Variants in SHANK2 observed in about 807,000 individuals in gnomAD.
SHANK2 encodes SH3 and multiple ankyrin repeat domains protein 2.
In SHANK2, 43 loss-of-function variants were observed where a neutral mutation model predicts 133.7. The observed-to-expected ratio is 0.32, with a 90% CI of 0.25 to 0.41. The LOEUF is 0.41. Ranked by LOEUF, SHANK2 falls within the 10% of genes least tolerant of loss-of-function variation. The pLI is 1.00. For synonymous variants in SHANK2, 1,017 were observed against 952.8 expected, an observed-to-expected ratio of 1.07 and a Z score of -1.24; for missense variants, 1,994 against 2,235.8, an observed-to-expected ratio of 0.89 and a Z score of 2.18.
intron 17 of SHANK2, among the ~76,000 whole-genome samples, chr11:70,576,986 C>T (rs545069360): frequency 2.0e-4 from 31 of 152,280 alleles, no homozygotes; most frequent in African/African-American, 7.0e-4. Context: ...AAGGGGTGGC[C>T]AGGACACTGT....
At chr11:70,643,557 C>G (rs1555007127) in intron 17 of SHANK2, among the ~76,000 whole-genome samples, 1 of 139,884 alleles carries the variant, frequency 7.1e-6, no homozygotes, top group Non-Finnish European at 1.5e-5. Flanking sequence ...CAGAGTGAGA[C>G]TCCGTCTCGG....
At chr11:70,890,965 C>CAA (rs113710731) in intron 11 of SHANK2, among the ~76,000 whole-genome samples, 11 of 121,816 alleles carry the variant, frequency 9.0e-5, no homozygotes, top group Admixed American at 4.1e-4. Flanking sequence ...GACTCCGCCT[C>CAA]AAAAAAAAAA....
Position 70,659,808 on chromosome 11 carries a change from AC to A in SHANK2, c.2061+19del, listed in dbSNP as rs2061458208. On this transcript the variant is annotated intron_variant, in intron 17 of 25. Transcript: ENST00000601538. ...CGGCGCTCTCCCCAAGCAGAAAGAT[AC>A]AGACACCTGTGTCCCTACCTCAATC... 1 of 1,614,028 alleles carries A rather than the reference AC, an allele frequency of 6.2e-7. No homozygotes were observed. The highest frequency in any genetic ancestry group is 8.5e-7 in the Non-Finnish European group (1 of 1,180,008).
intron 11 of SHANK2, among the ~76,000 whole-genome samples, chr11:70,841,728 A>G (rs1458593511): frequency 6.6e-6 from 1 of 152,122 alleles, no homozygotes; most frequent in Non-Finnish European, 1.5e-5. Flanking sequence ...CCAGCCCGCA[A>G]AGCCAGGATG....
chr11:70,485,556 C>A lies in SHANK2; in HGVS notation c.4737G>T (p.Pro1579=). 1 of 1,611,538 alleles carries A rather than the reference C, an allele frequency of 6.2e-7. No individual in the cohort carries two copies. Among genetic ancestry groups the A allele is most frequent in the African/African-American group, 1.3e-5 (1 of 74,944 alleles). ...TGCCCGGCGGGGGCGGGGGAGCGGG[C>A]GGGGGGATAACAAAGCTATCTACAT... ...EEDVDSFVIP[P]PAPPPPPGSA... is the part of the protein sequence containing the mutation. The change falls in exon 25 of 26, where the codon CCG becomes CCT. Residue 1579 remains proline (P), a synonymous_variant. Transcript: ENST00000601538. This position sits in a 1 kb window ranked among gnomAD's most constrained non-coding sequence, Gnocchi z 5.8.
At chr11:70,713,585 G>A (rs192006197) in intron 14 of SHANK2, among the ~76,000 whole-genome samples, 15 of 152,326 alleles carry the variant, frequency 9.8e-5, no homozygotes, top group Admixed American at 7.2e-4. Flanking sequence ...ACTGATCATC[G>A]GAAAGCCAGG....
chr11:70,753,371 A>C (rs1555037905), intron 14 of SHANK2, among the ~76,000 whole-genome samples: 1 of 152,170 alleles, frequency 6.6e-6, no homozygotes. Flanking sequence ...AACGAGCATA[A>C]TATACATTCT....
chr11:70,944,090 T>G, intron 10 of SHANK2: 1 of 392,136 alleles, frequency 2.6e-6, no homozygotes, highest in Non-Finnish European at 5.1e-6. Flanking sequence ...GGCAGTCGAC[T>G]GCAATTCTAT....
chr11:70,716,970 G>A lies in SHANK2; in HGVS notation c.1778-18207C>T, dbSNP rs200456356. On this transcript the variant is annotated intron_variant, in intron 14 of 25. Transcript: ENST00000601538. ...CCTCGGCCTTTGTGGGCAAGAGGGA[G>A]CAGTTGGTGAGAAGCTACTGGAGAA... Among the ~76,000 whole-genome samples the A allele has an allele frequency of 4.2e-3, 629 of 150,480 alleles. 3 individuals carry two copies. The highest frequency in any genetic ancestry group is 0.015 in the African/African-American group (597 of 41,144).
intron 14 of SHANK2, among the ~76,000 whole-genome samples, chr11:70,713,466 G>A (rs376461450): frequency 2.6e-5 from 4 of 152,248 alleles, no homozygotes; most frequent in African/African-American, 4.8e-5. Context: ...GGGCTTGGGC[G>A]TGGAGCAGCC....
chr11:70,739,480 G>A lies in SHANK2; in HGVS notation c.1778-40717C>T, dbSNP rs879957342. Among the ~76,000 whole-genome samples, 6 of 152,208 alleles carry A rather than the reference G, an allele frequency of 3.9e-5. No individual in the cohort carries two copies. Among genetic ancestry groups the A allele is most frequent in the Non-Finnish European group, 5.9e-5 (4 of 68,032 alleles). ...GCCCCTGAAGTCTACCTGTGCCCAC[G>A]TGGGGAGGGTGTTTGTGCCTGTGCC... On this transcript the variant is annotated intron_variant, in intron 14 of 25. Transcript: ENST00000601538. The surrounding 1 kb of genome is among the most constrained non-coding windows in gnomAD (Gnocchi z 4.3).
intron 15 of SHANK2, among the ~76,000 whole-genome samples, chr11:70,685,974 T>C (rs1462746500): frequency 6.6e-6 from 1 of 151,840 alleles, no homozygotes; most frequent in Non-Finnish European, 1.5e-5. Context: ...GGTCCACCCA[T>C]GCACTCATCC....
chr11:70,724,713 A>G (rs563930835), intron 14 of SHANK2, among the ~76,000 whole-genome samples: 4 of 152,402 alleles, frequency 2.6e-5, no homozygotes, highest in Middle Eastern at 3.4e-3. Flanking sequence ...CGACACCTGC[A>G]GCCAGGCTCT....
At chr11:70,847,546 A>G (rs1446230341) in intron 11 of SHANK2, among the ~76,000 whole-genome samples, 1 of 152,202 alleles carries the variant, frequency 6.6e-6, no homozygotes, top group Non-Finnish European at 1.5e-5. Flanking sequence ...AGAATTTTAA[A>G]TTAATTTAAA....
chr11:71,241,540 C>G (rs1340383633), intron 1 of SHANK2, among the ~76,000 whole-genome samples: 1 of 152,206 alleles, frequency 6.6e-6, no homozygotes, highest in Non-Finnish European at 1.5e-5. Context: ...CGGAAAGCAT[C>G]TAATCAGTTA....
intron 14 of SHANK2, among the ~76,000 whole-genome samples, chr11:70,771,205 G>A (rs1947242613): frequency 1.3e-5 from 2 of 152,180 alleles, no homozygotes; most frequent in African/African-American, 2.4e-5. Context: ...GGGATTACAG[G>A]CATGACCCAC....
chr11:71,233,919 C>T (rs1954786686), intron 1 of SHANK2, among the ~76,000 whole-genome samples: 1 of 151,406 alleles, frequency 6.6e-6, no homozygotes, highest in African/African-American at 2.4e-5. Flanking sequence ...TGGTGGTGCA[C>T]GTCTGTAATC....
intron 14 of SHANK2, among the ~76,000 whole-genome samples, chr11:70,781,158 G>C (rs1947477447): frequency 6.6e-6 from 1 of 150,630 alleles, no homozygotes; most frequent in South Asian, 2.1e-4. Context: ...CCCCGGACCG[G>C]TTGCCGTGAG....
At chr11:71,202,743 AC>A (rs1954041374) in intron 2 of SHANK2, among the ~76,000 whole-genome samples, 1 of 152,094 alleles carries the variant, frequency 6.6e-6, no homozygotes, top group African/African-American at 2.4e-5. Flanking sequence ...ACCAGGTCCC[AC>A]CCAAAGGGCA....
Sources: allele counts gnomAD v4.1 joint callset (sites outside exome capture counted in the v4.1 genomes callset), GRCh38; gene constraint gnomAD v4.1.1; non-coding constraint Gnocchi (gnomAD v3.1); transcripts MANE v1.5; gene names NCBI Gene and HGNC (gene_info 2026-07-23, HGNC 2026-07-21).